Variants in TNS3 observed in about 807,000 individuals in gnomAD.
TNS3 encodes tensin-3.
A neutral mutation model predicts 140.9 loss-of-function variants in TNS3; 45 were observed. The observed-to-expected ratio is 0.32, with a 90% confidence interval of 0.25 to 0.41. The LOEUF (loss-of-function observed/expected upper bound fraction) is 0.41, where lower values mean the gene tolerates loss of function less well. Among genes scored for constraint, TNS3 ranks in the 10% least tolerant of loss-of-function variants. The pLI is 1.00. For synonymous variants in TNS3, 815 were observed against 788.4 expected, an observed-to-expected ratio of 1.03 and a Z score of -0.56; for missense variants, 1,716 against 1,906.7, an observed-to-expected ratio of 0.90 and a Z score of 1.86.
chr7:47,557,177 C>T (rs615300), intron 1 of TNS3: 193,715 of 455,958 alleles, frequency 0.42, 41,693 homozygotes, highest in Middle Eastern at 0.49. Flanking sequence ...TCAGAACAAT[C>T]CTTAAGACCA....
At chr7:47,295,528 C>T (rs981293964) in intron 24 of TNS3, among the ~76,000 whole-genome samples, 10 of 152,186 alleles carry the variant, frequency 6.6e-5, no homozygotes, top group Non-Finnish European at 1.2e-4. Context: ...GAAATAGCAT[C>T]GTGTTGGGCT....
chr7:47,291,688 A>C (rs1179161467), intron 27 of TNS3, among the ~76,000 whole-genome samples: 1 of 151,922 alleles, frequency 6.6e-6, no homozygotes, highest in Non-Finnish European at 1.5e-5. Flanking sequence ...CTGTCTTACT[A>C]TATTTTCCCC....
intron 2 of TNS3, among the ~76,000 whole-genome samples, chr7:47,513,656 T>G (rs1261404108): frequency 6.6e-6 from 1 of 152,200 alleles, no homozygotes; most frequent in Non-Finnish European, 1.5e-5. Context: ...TTGCAAAAAC[T>G]GAAAAGCTGA....
At chr7:47,579,968 C>T (rs1784488716) in intron 1 of TNS3, 2 of 373,634 alleles carry the variant, frequency 5.4e-6, no homozygotes, top group African/African-American at 4.4e-5. Context: ...GCAAACAGCT[C>T]ACTTTCAAAA....
At chr7:47,476,012 G>T (rs754269465) in intron 4 of TNS3, among the ~76,000 whole-genome samples, 1 of 152,264 alleles carries the variant, frequency 6.6e-6, no homozygotes, top group African/African-American at 2.4e-5. Flanking sequence ...AACAATGAAT[G>T]GCACACAGCA....
chr7:47,447,715 C>T (rs1378956591), intron 4 of TNS3, among the ~76,000 whole-genome samples: 1 of 152,224 alleles, frequency 6.6e-6, no homozygotes, highest in East Asian at 1.9e-4. Context: ...TATCCTAGCA[C>T]ACCCTAGGCT....
chr7:47,466,036 T>C (rs1304399298), intron 4 of TNS3, among the ~76,000 whole-genome samples: 3 of 152,234 alleles, frequency 2.0e-5, no homozygotes, highest in Admixed American at 2.0e-4. Flanking sequence ...TTAAAATATC[T>C]AATTCATGTT....
intron 20 of TNS3, among the ~76,000 whole-genome samples, chr7:47,325,313 C>T (rs1584403718): frequency 6.6e-6 from 1 of 152,190 alleles, no homozygotes; most frequent in East Asian, 1.9e-4. Context: ...ATTCCTCTAT[C>T]TTCCACTCCA....
intron 25 of TNS3, among the ~76,000 whole-genome samples, chr7:47,293,347 G>C (rs973503756): frequency 1.3e-5 from 2 of 152,180 alleles, no homozygotes; most frequent in African/African-American, 4.8e-5. Context: ...GTGAGGTAGG[G>C]AAGGCTCCCA....
At chr7:47,292,386 A>G (rs1785757341) in intron 26 of TNS3, among the ~76,000 whole-genome samples, 1 of 152,250 alleles carries the variant, frequency 6.6e-6, no homozygotes, top group South Asian at 2.1e-4. Flanking sequence ...TCGCCCTGAC[A>G]TGCTGTGGGT....
chr7:47,374,913 G>C (rs1297705187), intron 16 of TNS3, among the ~76,000 whole-genome samples: 1 of 152,154 alleles, frequency 6.6e-6, no homozygotes, highest in African/African-American at 2.4e-5. Context: ...AGATGAGGGA[G>C]GCTGCAGGGC....
At chr7:47,483,169 CA>C (rs1359144985) in intron 3 of TNS3, among the ~76,000 whole-genome samples, 4 of 92,848 alleles carry the variant, frequency 4.3e-5, no homozygotes, top group African/African-American at 1.1e-4. Context: ...AGAGTGTGTC[CA>C]ATTTTTTTTT....
chr7:47,337,363 G>A (rs922382816), intron 20 of TNS3, among the ~76,000 whole-genome samples: 6 of 152,328 alleles, frequency 3.9e-5, no homozygotes, highest in African/African-American at 1.2e-4. Context: ...TGGGGCTTAT[G>A]CTGACTAAGG....
intron 16 of TNS3, among the ~76,000 whole-genome samples, chr7:47,395,937 T>C (rs1254224920): frequency 6.6e-6 from 1 of 152,218 alleles, no homozygotes; most frequent in Non-Finnish European, 1.5e-5. Flanking sequence ...ATTGGTGTCC[T>C]TTCTCACTAA....
In TNS3 at chr7:47,359,255, C is replaced by G. The variant is rs117849637; in HGVS notation, c.2281+9110G>C. On this transcript the variant is annotated intron_variant, in intron 17 of 30. Coordinates refer to ENST00000311160, the MANE Select transcript of TNS3 (RefSeq NM_022748.12). Reference sequence around the variant, plus strand: ...CACATGGGCTGTAACACGTCCGGCTCGAAAACATCACACACCACGTCACAG... The same window carrying G: ...CACATGGGCTGTAACACGTCCGGCTGGAAAACATCACACACCACGTCACAG... 4.6e-4 allele frequency among the ~76,000 whole-genome samples: 70 copies of G among 152,290 alleles called. 1 individual carries two copies. In the East Asian group the frequency reaches 0.013, roughly 28 times the overall value.
chr7:47,512,312 C>G (rs1798639571), intron 2 of TNS3, among the ~76,000 whole-genome samples: 1 of 152,176 alleles, frequency 6.6e-6, no homozygotes, highest in Non-Finnish European at 1.5e-5. Flanking sequence ...GGAGTCTGAA[C>G]TCACATGCTC....
At chr7:47,568,732 G>A (rs1003414912) in intron 1 of TNS3, among the ~76,000 whole-genome samples, 3 of 152,238 alleles carry the variant, frequency 2.0e-5, no homozygotes, top group Admixed American at 6.5e-5. Flanking sequence ...AGAACAGTGC[G>A]TTATGGAAAC....
At position 47,481,113 on chromosome 7, in the gene TNS3, C is replaced by A. The variant is rs924135768; in HGVS notation, c.-86G>T. On this transcript the variant is annotated 5_prime_UTR_variant, in exon 4 of 31. Coordinates refer to ENST00000311160, the MANE Select transcript of TNS3 (RefSeq NM_022748.12). Reference sequence around the variant, plus strand: ...ATGCAAAGGGCTTACCTGTTCCAGTCGGACTTGCACACCGCAGGGAATCAC... The same window carrying A: ...ATGCAAAGGGCTTACCTGTTCCAGTAGGACTTGCACACCGCAGGGAATCAC... 6 of 1,289,618 alleles carry A rather than the reference C, an allele frequency of 4.7e-6. No individual in the cohort carries two copies. Among genetic ancestry groups the A allele is most frequent in the Non-Finnish European group, 2.0e-6 (2 of 988,878 alleles). 79.9% of individuals were successfully genotyped at this position (1,289,618 alleles called of 1,614,324 possible). A position where few individuals can be genotyped will look rare whatever the true frequency, so the allele number is the denominator to read the frequency against.
chr7:47,303,676 T>C (rs180797145), intron 21 of TNS3, 92 bp from the exon 22 acceptor site: 8 of 1,429,712 alleles, frequency 5.6e-6, no homozygotes, highest in African/African-American at 1.4e-5. Context: ...AAGACAGGGA[T>C]GGGGAAGTGG....
Sources: gnomAD v4.1 joint callset for allele counts (sites outside exome capture counted in the v4.1 genomes callset) on GRCh38, gnomAD v4.1.1 for gene constraint, MANE v1.5 for transcripts, NCBI Gene and HGNC (gene_info 2026-07-23, HGNC 2026-07-21) for gene names.